Variants in TNIK observed in about 807,000 individuals in gnomAD.
The protein encoded by TNIK is TRAF2 and NCK-interacting protein kinase.
TNIK carries 49 observed loss-of-function variants against 191.3 expected under a neutral mutation model. The observed-to-expected ratio is 0.26, with a 90% CI of 0.20 to 0.32. TNIK has a LOEUF of 0.32. Among genes scored for constraint, TNIK ranks in the 10% least tolerant of loss-of-function variants. The pLI is 1.00. For synonymous variants in TNIK, 594 were observed against 600.9 expected, an observed-to-expected ratio of 0.99 and a Z score of 0.17; for missense variants, 1,155 against 1,702.3, an observed-to-expected ratio of 0.68 and a Z score of 5.66.
chr3:171,192,274 C>G (rs1738155120), intron 5 of TNIK, among the ~76,000 whole-genome samples: 1 of 152,160 alleles, frequency 6.6e-6, no homozygotes, highest in South Asian at 2.1e-4. Flanking sequence ...CCCATAAATC[C>G]TTAAGAGAGG....
At chr3:171,300,791 A>G (rs1752798649) in intron 2 of TNIK, among the ~76,000 whole-genome samples, 3 of 152,214 alleles carry the variant, frequency 2.0e-5, no homozygotes, top group Admixed American at 6.5e-5. Context: ...TTAGGCAGAA[A>G]GGGCACAAAG....
intron 2 of TNIK, among the ~76,000 whole-genome samples, chr3:171,287,770 T>C (rs1173402160): frequency 6.6e-6 from 1 of 152,170 alleles, no homozygotes; most frequent in Admixed American, 6.5e-5. Context: ...ATTTATTTGA[T>C]ATATAAAGGG....
chr3:171,067,973 A>G (rs1227967917), intron 30 of TNIK, among the ~76,000 whole-genome samples: 1 of 152,138 alleles, frequency 6.6e-6, no homozygotes, highest in Non-Finnish European at 1.5e-5. Flanking sequence ...TCTTTTAGTT[A>G]TTGCGTTTCA....
intron 2 of TNIK, among the ~76,000 whole-genome samples, chr3:171,297,942 C>T (rs1055691285): frequency 2.0e-5 from 3 of 152,166 alleles, no homozygotes; most frequent in African/African-American, 7.2e-5. Flanking sequence ...GTAAAATCTG[C>T]ACCTGCAATA....
intron 1 of TNIK, among the ~76,000 whole-genome samples, chr3:171,421,818 G>A (rs543145372): frequency 4.0e-4 from 52 of 131,476 alleles, no homozygotes; most frequent in Middle Eastern, 5.4e-3. Context: ...TGCAACCTCC[G>A]CCTCCTAGGT....
intron 1 of TNIK, among the ~76,000 whole-genome samples, chr3:171,372,233 C>A (rs1716592501): frequency 1.3e-5 from 2 of 152,172 alleles, no homozygotes; most frequent in African/African-American, 4.8e-5. Flanking sequence ...TAATGCTGAG[C>A]CTTTAGTTCA....
intron 3 of TNIK, among the ~76,000 whole-genome samples, chr3:171,219,126 T>TATAATTATAAATATATATTTTATATAA (rs1335941680): frequency 1.5e-5 from 2 of 134,174 alleles, no homozygotes; most frequent in African/African-American, 5.5e-5. Flanking sequence ...TATATAAATA[T>TATAATTATAAATATATATTTTATATAA]ATAATTATAA....
chr3:171,264,073 C>T (rs994805570), intron 2 of TNIK, among the ~76,000 whole-genome samples: 2 of 58,204 alleles, frequency 3.4e-5, no homozygotes, highest in Non-Finnish European at 7.4e-5. Flanking sequence ...TACATACACA[C>T]ACACACACAC....
intron 1 of TNIK, among the ~76,000 whole-genome samples, chr3:171,389,910 C>A (rs527337186): frequency 6.6e-6 from 1 of 152,320 alleles, no homozygotes; most frequent in East Asian, 1.9e-4. Context: ...TTTCTGCCAA[C>A]CCATTACATC....
chr3:171,322,573 A>G (rs1222328248), intron 2 of TNIK, among the ~76,000 whole-genome samples: 1 of 152,178 alleles, frequency 6.6e-6, no homozygotes, highest in Non-Finnish European at 1.5e-5. Flanking sequence ...TCCTTTGATC[A>G]TTCCAAATTG....
chr3:171,349,722 A>T (rs1020138557), intron 2 of TNIK, among the ~76,000 whole-genome samples: 1 of 152,190 alleles, frequency 6.6e-6, no homozygotes, highest in African/African-American at 2.4e-5. Context: ...ATTCCATTTC[A>T]GTCATGTTTT....
At chr3:171,368,758 T>C (rs1255266276) in intron 2 of TNIK, among the ~76,000 whole-genome samples, 1 of 152,078 alleles carries the variant, frequency 6.6e-6, no homozygotes, top group East Asian at 1.9e-4. Context: ...TTTTTAAAAA[T>C]AGAACACGAG....
rs149075396 is a variant in TNIK, at chr3:171,171,796, G to A, written c.773+3456C>T. Reference sequence around the variant, plus strand: ...GTTTACCCCTGCGAGTGGAATCTACGCACGCACAAGAGACAGGAAGAGAGA... The same window carrying A: ...GTTTACCCCTGCGAGTGGAATCTACACACGCACAAGAGACAGGAAGAGAGA... On this transcript the variant is annotated intron_variant, in intron 9 of 32. Transcript: ENST00000436636. 2.0e-3 allele frequency among the ~76,000 whole-genome samples: 311 copies of A among 152,296 alleles called. 1 individual carries two copies. Among genetic ancestry groups the A allele is most frequent in the African/African-American group, 7.1e-3 (296 of 41,558 alleles).
At chr3:171,073,863 A>T (rs977310853) in intron 28 of TNIK, among the ~76,000 whole-genome samples, 1 of 150,080 alleles carries the variant, frequency 6.7e-6, no homozygotes, top group Non-Finnish European at 1.5e-5. Flanking sequence ...AAAAAAAAAG[A>T]TGGTGGTGAG....
intron 18 of TNIK, among the ~76,000 whole-genome samples, chr3:171,118,825 C>A (rs949620808): frequency 6.6e-6 from 1 of 152,132 alleles, no homozygotes; most frequent in Non-Finnish European, 1.5e-5. Context: ...AGACCTAAAA[C>A]CATAAAAACC....
chr3:171,214,378 G>T (rs527495843), intron 3 of TNIK, among the ~76,000 whole-genome samples: 62 of 152,118 alleles, frequency 4.1e-4, no homozygotes, highest in Non-Finnish European at 7.9e-4. Flanking sequence ...AAAAGTTATA[G>T]CCCCATGAAT....
chr3:171,084,712 C>G (rs918978330), intron 25 of TNIK, among the ~76,000 whole-genome samples: 2 of 152,156 alleles, frequency 1.3e-5, no homozygotes, highest in African/African-American at 4.8e-5. Flanking sequence ...AAGCAAGACT[C>G]CTTTAAATCA....
chr3:171,424,575 A>T (rs1204918724), intron 1 of TNIK, among the ~76,000 whole-genome samples: 1 of 152,158 alleles, frequency 6.6e-6, no homozygotes, highest in Non-Finnish European at 1.5e-5. Context: ...AAAGGCTTGG[A>T]ATGAACCCAA....
intron 1 of TNIK, among the ~76,000 whole-genome samples, chr3:171,378,455 A>C (rs1717565735): frequency 6.6e-6 from 1 of 152,202 alleles, no homozygotes; most frequent in Admixed American, 6.5e-5. Flanking sequence ...ATATATATAA[A>C]ATGTGTAAAG....
Sources: allele counts gnomAD v4.1 joint callset (sites outside exome capture counted in the v4.1 genomes callset), GRCh38; gene constraint gnomAD v4.1.1; transcripts MANE v1.5; gene names NCBI Gene and HGNC (gene_info 2026-07-23, HGNC 2026-07-21).